The following CHRNB4 variants were observed in gnomAD, a reference collection of about 807,000 sequenced individuals.
CHRNB4 encodes cholinergic receptor nicotinic beta 4 subunit, also known as neuronal acetylcholine receptor subunit beta-4.
In CHRNB4, 23 loss-of-function variants were observed where a neutral mutation model predicts 40.4. The ratio of observed to expected loss-of-function variants is 0.57; its 90% CI spans 0.41 to 0.81. The LOEUF (loss-of-function observed/expected upper bound fraction) is 0.81. Among genes scored for constraint, CHRNB4 ranks in the 30% least tolerant of loss-of-function variants. CHRNB4 has a pLI of 0.00. For synonymous variants in CHRNB4, 285 were observed against 274.4 expected (o/e 1.04, Z -0.38); for missense variants, 568 against 670.6 (o/e 0.85, Z 1.69).
intron 2 of CHRNB4, among the ~76,000 whole-genome samples, chr15:78,633,759 A>G (rs1157601700): frequency 6.6e-6 from 1 of 152,094 alleles, no homozygotes; most frequent in African/African-American, 2.4e-5. Flanking sequence ...TTCCAGGAGA[A>G]TGTGTCAAGT....
At chr15:78,634,343 A>G (rs1346614741) in intron 2 of CHRNB4, among the ~76,000 whole-genome samples, 1 of 152,202 alleles carries the variant, frequency 6.6e-6, no homozygotes, top group African/African-American at 2.4e-5. Flanking sequence ...GGTTCAACTC[A>G]TTAAGCAAGA....
At chr15:78,647,629 A>C (rs550195752) in intron 7 of CHRNB4, among the ~76,000 whole-genome samples, 1 of 149,190 alleles carries the variant, frequency 6.7e-6, no homozygotes, top group African/African-American at 2.5e-5. Context: ...GGCAGATCAC[A>C]AGGTCAGGAG....
intron 2 of CHRNB4, among the ~76,000 whole-genome samples, chr15:78,633,845 GAA>G (rs2053887673): frequency 6.7e-6 from 1 of 149,488 alleles, no homozygotes; most frequent in Non-Finnish European, 1.5e-5. Context: ...CCAGGAGCAG[GAA>G]AAGAGATGAG....
chr15:78,650,002 A>AT (rs1219141151), intron 6 of CHRNB4, among the ~76,000 whole-genome samples: 7 of 134,824 alleles, frequency 5.2e-5, no homozygotes, highest in Non-Finnish European at 7.1e-5. Context: ...TATTTTATCA[A>AT]TTTTGTTTTT....
rs1224395094 is a variant in CHRNB4 at position 78,629,106 on chromosome 15, G to A, written c.1199C>T (p.Pro400Leu). Reference protein sequence around the residue: ...VNPASAASKSPAGSTPVAIPR... With the variant: ...VNPASAASKSLAGSTPVAIPR... ...GATAGCCACCGGGGTAGAGCCGGCT[G>A]GAGACTTGGAAGCTGCAGAGGCGGG... Residue 400 changes from proline (P) to leucine (L), a missense_variant, in exon 5 of 6, where the codon CCA becomes CTA. Coordinates refer to ENST00000261751, the MANE Select transcript of CHRNB4 (RefSeq NM_000750.5). This position sits in a 1 kb window ranked among gnomAD's most constrained non-coding sequence, Gnocchi z 6.8. 5 of 1,614,214 alleles carry A rather than the reference G, an allele frequency of 3.1e-6. No homozygotes were observed. Among genetic ancestry groups the A allele is most frequent in the Middle Eastern group, 1.6e-4 (1 of 6,062 alleles).
chr15:78,630,326 C>T (rs545921338), intron 4 of CHRNB4, among the ~76,000 whole-genome samples: 71 of 152,038 alleles, frequency 4.7e-4, no homozygotes, highest in South Asian at 1.7e-3. Context: ...TTAGTAGAGA[C>T]GGGGTTTCTC....
chr15:78,638,792 G>A (rs1294249784), intron 1 of CHRNB4, among the ~76,000 whole-genome samples: 3 of 152,260 alleles, frequency 2.0e-5, no homozygotes, highest in African/African-American at 7.2e-5. Context: ...GGGCTCAAAG[G>A]ACAAGGAACA....
chr15:78,633,660 A>G (rs2053883622), intron 2 of CHRNB4, among the ~76,000 whole-genome samples: 1 of 152,166 alleles, frequency 6.6e-6, no homozygotes, highest in Admixed American at 6.5e-5. Context: ...ATCTCTTGCC[A>G]AGTGGCATTT....
chr15:78,641,113 C>A lies in CHRNB4; in HGVS notation c.21G>T (p.Leu7=). 1 of 1,580,454 alleles carries A rather than the reference C, an allele frequency of 6.3e-7. No homozygotes were observed. Among genetic ancestry groups the A allele is most frequent in the Non-Finnish European group, 8.6e-7 (1 of 1,164,332 alleles). The part of the protein sequence containing the change: MRRAPS[L]VLFFLVALCG... The stretch of plus-strand genomic sequence containing the variant: ...AAAGGGCGACCAGGAAGAAAAGGAC[C>A]AGGGAAGGCGCGCGCCTCATGGCCG... The change falls in exon 1 of 6, where the codon CTG becomes CTT. Residue 7 remains leucine (L), a synonymous_variant. Coordinates refer to ENST00000261751, the MANE Select transcript of CHRNB4 (RefSeq NM_000750.5).
At chr15:78,645,011 C>T (rs568532384), upstream of CHRNB4, among the ~76,000 whole-genome samples, 3 of 152,256 alleles carry the variant, frequency 2.0e-5, no homozygotes, top group South Asian at 6.2e-4. Context: ...AGAGACTGTT[C>T]CTCCCAGGGC....
chr15:78,648,946 T>C (rs2054149635), intron 7 of CHRNB4, among the ~76,000 whole-genome samples: 1 of 151,920 alleles, frequency 6.6e-6, no homozygotes, highest in African/African-American at 2.4e-5. Context: ...CTGGCTAATT[T>C]TTGGGATTTT....
chr15:78,624,916 T>C lies in CHRNB4; in HGVS notation c.*217A>G. 1 of 1,458,436 alleles carries C rather than the reference T, an allele frequency of 6.9e-7. No homozygotes were observed. The highest frequency in any genetic ancestry group is 2.5e-5 in the East Asian group (1 of 40,308). 90.3% of individuals were successfully genotyped at this position (1,458,436 alleles called of 1,614,324 possible). ...AGGCCAGAATTGAACTGTCTGAAGC[T>C]CCCTCCTACTGGGGCTTCCTGGGAT... On this transcript the variant is annotated 3_prime_UTR_variant, in exon 6 of 6. Transcript: ENST00000261751.
chr15:78,630,390 G>A (rs1478417327), intron 4 of CHRNB4, among the ~76,000 whole-genome samples: 3 of 152,164 alleles, frequency 2.0e-5, no homozygotes, highest in East Asian at 1.9e-4. Flanking sequence ...CACCCGCCTC[G>A]GCCTCCCAAA....
chr15:78,630,834 G>A (rs1346264257), intron 4 of CHRNB4: 1 of 522,588 alleles, frequency 1.9e-6, no homozygotes, highest in Non-Finnish European at 3.5e-6. Context: ...ACACTGCTGT[G>A]GTCCCAGCTC....
At chr15:78,660,197 A>C (rs1345121182) in intron 1 of CHRNB4, among the ~76,000 whole-genome samples, 1 of 123,374 alleles carries the variant, frequency 8.1e-6, no homozygotes, top group East Asian at 2.4e-4. Flanking sequence ...ACAGAGCAAG[A>C]CTCCGTCTTA....
chr15:78,661,626 G>T (rs148066897), upstream of CHRNB4: 4 of 469,420 alleles, frequency 8.5e-6, no homozygotes, highest in South Asian at 1.6e-5. Context: ...CCTCCTGCTC[G>T]GCCAGTTCCG....
chr15:78,630,424 C>T (rs1395669741), intron 4 of CHRNB4, among the ~76,000 whole-genome samples: 1 of 152,170 alleles, frequency 6.6e-6, no homozygotes, highest in Admixed American at 6.5e-5. Context: ...AGGTGTGAGC[C>T]ACCACACCCG....
At chr15:78,632,403 G>C (rs555352028) in intron 2 of CHRNB4, among the ~76,000 whole-genome samples, 2 of 151,980 alleles carry the variant, frequency 1.3e-5, no homozygotes, top group East Asian at 3.9e-4. Flanking sequence ...CACCTCCCAG[G>C]CTCAAGCGAT....
rs765739327 is a variant in CHRNB4, at chr15:78,629,490, A to G, written c.815T>C (p.Leu272Pro). Residue 272 changes from leucine to proline, a missense_variant, in exon 5 of 6, where the codon CTG becomes CCG. By Grantham distance (98) the Leu-to-Pro change is moderately conservative. Around this residue, in one of 4 missense-constraint regions of CHRNB4, gnomAD observed 38 missense variants for 80.3 expected, o/e 0.47. Transcript: ENST00000261751. The surrounding 1 kb of genome is among the most constrained non-coding windows in gnomAD (Gnocchi z 6.8). Reference sequence around the variant, plus strand: ...GAGCAGCAGGAAGAATGTCAGTGCCAGCAGCACTGAGATGCACAGTGTCAT... The same window carrying G: ...GAGCAGCAGGAAGAATGTCAGTGCCGGCAGCACTGAGATGCACAGTGTCAT... ...EKMTLCISVL[L>P]ALTFFLLLIS... is the part of the protein sequence containing the mutation. The G allele has an allele frequency of 1.9e-6, 3 of 1,614,158 alleles. No homozygotes were observed. The highest frequency in any genetic ancestry group is 1.7e-6 in the Non-Finnish European group (2 of 1,179,996).
Sources: gnomAD v4.1 joint callset for allele counts (sites outside exome capture counted in the v4.1 genomes callset) on GRCh38, gnomAD v4.1.1 for gene constraint, gnomAD v4.1.1 regional missense constraint, Gnocchi (gnomAD v3.1) non-coding constraint, MANE v1.5 for transcripts, NCBI Gene and HGNC (gene_info 2026-07-23, HGNC 2026-07-21) for gene names.